Variants in PKD1 observed in about 807,000 individuals in gnomAD.
The protein encoded by PKD1 is polycystin-1.
PKD1 carries 81 observed loss-of-function variants against 361.7 expected under a neutral mutation model. The ratio of observed to expected loss-of-function variants is 0.22; its 90% CI spans 0.19 to 0.27. PKD1 has a LOEUF of 0.27. Ranked by LOEUF, PKD1 falls within the 10% of genes least tolerant of loss-of-function variation. The probability of loss-of-function intolerance (pLI) is 1.00; values close to 1 mark genes in which losing one functional copy is unlikely to be tolerated. For synonymous variants in PKD1, 3,615 were observed against 2,818.3 expected, an observed-to-expected ratio of 1.28 and a Z score of -8.95; for missense variants, 6,399 against 6,118.3, an observed-to-expected ratio of 1.05 and a Z score of -1.53.
At position 2,118,385 on chromosome 16, in the gene PKD1, C is replaced by T. The variant is rs1457184217; in HGVS notation, c.607G>A (p.Gly203Ser). Residue 203 changes from glycine (G) to serine (S), a missense_variant, in exon 5 of 46, where the codon GGC becomes AGC. Coordinates refer to ENST00000262304, the MANE Select transcript of PKD1 (RefSeq NM_001009944.3). This position sits in a 1 kb window ranked among gnomAD's most constrained non-coding sequence, Gnocchi z 6.0. ...CTGCAGGCCTCTGGCTGAAGCAGGC[C>T]TTCGTGGGCAGCTGAAAAGGACACT... is the stretch of plus-strand genomic sequence containing the variant. Reference protein sequence around the residue: ...AAVSFSAAHEGLLQPEACSAF... With the variant: ...AAVSFSAAHESLLQPEACSAF... 7.9e-7 allele frequency: 1 copy of T among 1,261,568 alleles called. No individual in the cohort carries two copies. The allele number at this position is 1,261,568 out of a possible 1,614,324, so 78.1% of individuals were successfully genotyped here.
rs199559513 is a variant in PKD1, at chr16:2,108,238, T to C, written c.6915+14A>G. 1.5e-3 allele frequency: 2,458 copies of C among 1,590,096 alleles called. 2 individuals are homozygous for C. Among genetic ancestry groups the C allele is most frequent in the Non-Finnish European group, 1.9e-3 (2,250 of 1,164,564 alleles). On this transcript the variant is annotated intron_variant, in intron 15 of 45. Transcript: ENST00000262304. ...GGGTGAGGGGCATGGAGGACGGCCC[T>C]GCCACGCACTGACCTGTGTCGAAGC...
chr16:2,102,626 C>T lies in PKD1; in HGVS notation c.8956G>A (p.Asp2986Asn). 6.2e-7 allele frequency: 1 copy of T among 1,611,018 alleles called. No individual in the cohort carries two copies. Among genetic ancestry groups the T allele is most frequent in the Non-Finnish European group, 8.5e-7 (1 of 1,179,798 alleles). The change falls in exon 25 of 46, where the codon GAC (aspartate) becomes AAC (asparagine). Residue 2986 changes from aspartate to asparagine, a missense_variant. Coordinates refer to ENST00000262304, the MANE Select transcript of PKD1 (RefSeq NM_001009944.3). ...TTCAGATGGTAACTCCCCGCTGGGTCTCTGCTCCTGGGCAGGGAAGGGGTA... is the reference window on the plus strand; with the variant it reads ...TTCAGATGGTAACTCCCCGCTGGGTTTCTGCTCCTGGGCAGGGAAGGGGTA... ...YTFFISPGSR[D>N]PAGSYHLNLS...
rs1345407745 is a variant in PKD1 at position 2,088,748 on chromosome 16, T to G, written c.*979A>C. On this transcript the variant is annotated 3_prime_UTR_variant, in exon 46 of 46. Transcript: ENST00000262304. Reference sequence around the variant, plus strand: ...TCTTTTATTGACTTTGTCTGCTTGGTGCGGGGGTTGGGGGGGTGTCGAGGC... The same window carrying G: ...TCTTTTATTGACTTTGTCTGCTTGGGGCGGGGGTTGGGGGGGTGTCGAGGC... The G allele has an allele frequency of 1.6e-6, 2 of 1,256,978 alleles. No individual in the cohort carries two copies. Among genetic ancestry groups the G allele is most frequent in the Non-Finnish European group, 2.2e-6 (2 of 917,316 alleles). 77.9% of individuals were successfully genotyped at this position (1,256,978 alleles called of 1,614,324 possible). A position where few individuals can be genotyped will look rare whatever the true frequency, so the allele number is the denominator to read the frequency against.
In PKD1 at chr16:2,090,030, C is replaced by G; in HGVS notation, c.12609G>C (p.Arg4203=). ...GCTCAGGCTCACACCTTGTCCCCAG[C>G]CGGCCCAGGCTCACGCTCAGCCCAT... The part of the protein sequence containing the change: ...QLDGLSVSLG[R]LGTRCEPEPS... Residue 4203 remains arginine, a synonymous_variant, in exon 46 of 46, where the codon CGG becomes CGC. Transcript: ENST00000262304. 4 of 1,610,686 alleles carry G rather than the reference C, an allele frequency of 2.5e-6. No homozygotes were observed. The highest frequency in any genetic ancestry group is 3.4e-6 in the Non-Finnish European group (4 of 1,179,160).
Position 2,090,751 on chromosome 16 carries a change from G to C in PKD1, c.12061C>G (p.Arg4021Gly), listed in dbSNP as rs764431330. The C allele has an allele frequency of 1.8e-5, 29 of 1,612,494 alleles. No individual in the cohort carries two copies. Among genetic ancestry groups the C allele is most frequent in the Middle Eastern group, 3.3e-4 (2 of 6,084 alleles). Residue 4021 changes from arginine to glycine, a missense_variant, in exon 44 of 46, where the codon CGA becomes GGA. Physicochemically the swap from Arg to Gly is moderately radical, Grantham distance 125. Coordinates refer to ENST00000262304, the MANE Select transcript of PKD1 (RefSeq NM_001009944.3). ...ACCCCCAGGAGCTCTGGCAGAGCTC[G>C]GCATAATGTCTTGCCAAAGACGGAC... is the stretch of plus-strand genomic sequence containing the variant. ...QWSVFGKTLC[R>G]ALPELLGVTL...
In PKD1 at chr16:2,090,688, G is replaced by A. The variant is rs199476094; in HGVS notation, c.12124C>T (p.Gln4042Ter). The A allele has an allele frequency of 1.2e-6, 2 of 1,612,328 alleles. No homozygotes were observed. Among genetic ancestry groups the A allele is most frequent in the Non-Finnish European group, 1.7e-6 (2 of 1,179,936 alleles). ...CAGTCACCTACCAGGATGGCCAGCTGGGCGTAGGCTACCCCGAGCACCACC... is the reference window on the plus strand; with the variant it reads ...CAGTCACCTACCAGGATGGCCAGCTAGGCGTAGGCTACCCCGAGCACCACC... Reference protein sequence around the residue: ...GLVVLGVAYAQLAILLVSSCV... With the variant: ...GLVVLGVAYA The change falls in exon 44 of 46, where the codon CAG becomes TAG. Residue 4042 changes from glutamine (Q) to a stop codon, truncating the protein, a stop_gained. Coordinates refer to ENST00000262304, the MANE Select transcript of PKD1 (RefSeq NM_001009944.3). LOFTEE classifies it high-confidence loss of function.
chr16:2,122,845 T>C (rs1378909845), intron 1 of PKD1, among the ~76,000 whole-genome samples: 1 of 152,142 alleles, frequency 6.6e-6, no homozygotes, highest in African/African-American at 2.4e-5. Context: ...GGGACACAGC[T>C]GTGAAACTGC....
rs1419596299 is a variant in PKD1, at chr16:2,117,472, G to C, written c.1385+17C>G. On this transcript the variant is annotated intron_variant, in intron 6 of 45. Transcript: ENST00000262304. Reference sequence around the variant, plus strand: ...GATCTCCCAACCTATGGCCCCTCGGGGGGTGGGGGCAGGCACCTGGTGACC... The same window carrying C: ...GATCTCCCAACCTATGGCCCCTCGGCGGGTGGGGGCAGGCACCTGGTGACC... 29 of 1,444,028 alleles carry C rather than the reference G, an allele frequency of 2.0e-5. No individual in the cohort carries two copies. Among genetic ancestry groups the C allele is most frequent in the Non-Finnish European group, 2.5e-5 (26 of 1,053,884 alleles). 89.5% of individuals were successfully genotyped at this position (1,444,028 alleles called of 1,614,324 possible). A position where few individuals can be genotyped will look rare whatever the true frequency, so the allele number is the denominator to read the frequency against.
chr16:2,106,362 G>A lies in PKD1; in HGVS notation c.7489+36C>T, dbSNP rs1318567930. 6 of 1,599,076 alleles carry A rather than the reference G, an allele frequency of 3.8e-6. No homozygotes were observed. The highest frequency in any genetic ancestry group is 2.3e-4 in the Middle Eastern group (1 of 4,412). On this transcript the variant is annotated intron_variant, in intron 18 of 45. Transcript: ENST00000262304. This position sits in a 1 kb window ranked among gnomAD's most constrained non-coding sequence, Gnocchi z 6.5. Reference sequence around the variant, plus strand: ...GCTCCGTGACGTCACAGAGTCGGGGGATCCCGCTGCTCCCCCCACGCAGGC... The same window carrying A: ...GCTCCGTGACGTCACAGAGTCGGGGAATCCCGCTGCTCCCCCCACGCAGGC...
intron 1 of PKD1, chr16:2,135,180 A>G: frequency 1.0e-6 from 1 of 973,264 alleles, no homozygotes; most frequent in Non-Finnish European, 1.2e-6. Flanking sequence ...ATTCCTCTCC[A>G]ATTAGCGACT....
rs555370894 is a variant in PKD1 at position 2,100,086 on chromosome 16, G to A, written c.9713-15C>T. The A allele has an allele frequency of 2.7e-5, 44 of 1,603,376 alleles. No homozygotes were observed. In the East Asian group the frequency reaches 9.7e-4, roughly 35 times the overall value. ...GGCTGCGTCGCCTAGAAGGCAGGGAGGGCCGCACTGCAGGAGGCCACGGGG... is the reference window on the plus strand; with the variant it reads ...GGCTGCGTCGCCTAGAAGGCAGGGAAGGCCGCACTGCAGGAGGCCACGGGG... On this transcript the variant is annotated splice_polypyrimidine_tract_variant and intron_variant, in intron 28 of 45. Coordinates refer to ENST00000262304, the MANE Select transcript of PKD1 (RefSeq NM_001009944.3). The surrounding 1 kb of genome is among the most constrained non-coding windows in gnomAD (Gnocchi z 4.4).
chr16:2,122,719 C>T (rs1208029075), intron 1 of PKD1, among the ~76,000 whole-genome samples: 1 of 152,204 alleles, frequency 6.6e-6, no homozygotes, highest in Non-Finnish European at 1.5e-5. Flanking sequence ...GCGGCTGCGG[C>T]GGCAGCAGAA....
intron 1 of PKD1, among the ~76,000 whole-genome samples, chr16:2,123,250 C>A (rs1419419592): frequency 6.6e-6 from 1 of 152,104 alleles, no homozygotes. Context: ...GTCTTGGGGA[C>A]CCCGCTCGGC....
chr16:2,093,017 G>C lies in PKD1; in HGVS notation c.11093C>G (p.Ala3698Gly). 6.2e-7 allele frequency: 1 copy of C among 1,612,956 alleles called. No homozygotes were observed. Among genetic ancestry groups the C allele is most frequent in the Non-Finnish European group, 8.5e-7 (1 of 1,179,992 alleles). Residue 3698 changes from alanine to glycine, a missense_variant, in exon 38 of 46, where the codon GCC becomes GGC. Transcript: ENST00000262304. ...CTTGATGGCGCTTTGCAGACGGTAGGCGTGCCCATGGCATGAGGCATCCCC... is the reference window on the plus strand; with the variant it reads ...CTTGATGGCGCTTTGCAGACGGTAGCCGTGCCCATGGCATGAGGCATCCCC... Reference protein sequence around the residue: ...SYGDASCHGHAYRLQSAIKQE... With the variant: ...SYGDASCHGHGYRLQSAIKQE...
intron 30 of PKD1, chr16:2,098,857 G>A (rs1308276187): frequency 2.3e-5 from 3 of 128,866 alleles, no homozygotes; most frequent in Non-Finnish European, 4.7e-5. Context: ...TGGAGATGGA[G>A]TCTTGCTCCG....
At chr16:2,093,302 G>C in intron 37 of PKD1, 1 of 693,448 alleles carries the variant, frequency 1.4e-6, no homozygotes, top group Non-Finnish European at 2.4e-6. Flanking sequence ...GGCCACTGCA[G>C]TGGTGCTTAG....
chr16:2,120,491 C>A (rs1293475458), intron 1 of PKD1, among the ~76,000 whole-genome samples: 3 of 152,026 alleles, frequency 2.0e-5, no homozygotes, highest in Non-Finnish European at 4.4e-5. Flanking sequence ...TTGGGAAGGC[C>A]AGGAGTTTGA....
chr16:2,126,730 T>C (rs2092804461), intron 1 of PKD1, among the ~76,000 whole-genome samples: 1 of 152,226 alleles, frequency 6.6e-6, no homozygotes, highest in African/African-American at 2.4e-5. Context: ...CCGTGGCCAC[T>C]GCAGAGCTCC....
rs771820432 is a variant in PKD1 at position 2,114,498 on chromosome 16, C to T, written c.2525G>A (p.Gly842Asp). Residue 842 changes from glycine to aspartate, a missense_variant, in exon 11 of 46, where the codon GGC becomes GAC. Physicochemically the swap from Gly to Asp is moderately conservative, Grantham distance 94 (BLOSUM62 -1). Coordinates refer to ENST00000262304, the MANE Select transcript of PKD1 (RefSeq NM_001009944.3). ...RDGRLYVPTN[G>D]SALVLQVDSG... The stretch of plus-strand genomic sequence containing the variant: ...GTCCACCTGGAGCACCAAGGCTGAG[C>T]CGTTGGTGGGCACGTAGAGGCGGCC... 1 of 1,596,152 alleles carries T rather than the reference C, an allele frequency of 6.3e-7. No individual in the cohort carries two copies. The highest frequency in any genetic ancestry group is 1.1e-5 in the South Asian group (1 of 90,904).
Sources: allele counts gnomAD v4.1 joint callset (sites outside exome capture counted in the v4.1 genomes callset), GRCh38; gene constraint gnomAD v4.1.1; non-coding constraint Gnocchi (gnomAD v3.1); transcripts MANE v1.5; gene names NCBI Gene and HGNC (gene_info 2026-07-23, HGNC 2026-07-21).